The following ZNF692 variants were observed in gnomAD, a reference collection of about 807,000 sequenced individuals.
ZNF692 encodes AICAR responsive element binding protein.
In ZNF692, 41 loss-of-function variants were observed where a neutral mutation model predicts 49.0. The ratio of observed to expected loss-of-function variants is 0.84; its 90% CI spans 0.65 to 1.08. ZNF692 has a LOEUF of 1.08. Ranked by LOEUF, ZNF692 falls within the 50% of genes least tolerant of loss-of-function variation. ZNF692 has a pLI of 0.00. For missense variants in ZNF692, 662 were observed against 662.2 expected, an observed-to-expected ratio of 1.00 and a Z score of 0.00; for synonymous variants, 288 against 251.5, an observed-to-expected ratio of 1.15 and a Z score of -1.37.
Position 248,855,798 on chromosome 1 carries a change from G to A in ZNF692, c.808C>T (p.Pro270Ser), listed in dbSNP as rs776722798. ...TGTGGCTGCACCCTGACTTCTGCAG[G>A]TGGAGGAGCTCTGGAACTCAATGAG... ...ASSLSSRAPPPAEVRVQPQLS... is the reference protein window; with the variant it reads ...ASSLSSRAPPSAEVRVQPQLS... The change falls in exon 7 of 12, where the codon CCT (proline) becomes TCT (serine). Residue 270 changes from proline (P) to serine (S), a missense_variant. Coordinates refer to ENST00000306601, the MANE Select transcript of ZNF692 (RefSeq NM_017865.4). 1.9e-6 allele frequency: 3 copies of A among 1,614,216 alleles called. No homozygotes were observed. In the East Asian group the frequency reaches 6.7e-5, roughly 36 times the overall value.
At position 248,855,824 on chromosome 1, in the gene ZNF692, G is replaced by A; in HGVS notation, c.782C>T (p.Ser261Phe). 7 of 1,614,216 alleles carry A rather than the reference G, an allele frequency of 4.3e-6. No individual in the cohort carries two copies. Among genetic ancestry groups the A allele is most frequent in the Non-Finnish European group, 5.9e-6 (7 of 1,180,044 alleles). The change falls in exon 7 of 12, where the codon TCC becomes TTC. Residue 261 changes from serine (S) to phenylalanine (F), a missense_variant. Ser to Phe is a radical substitution (Grantham distance 155). Transcript: ENST00000306601. Reference sequence around the variant, plus strand: ...TGGAGGAGCTCTGGAACTCAATGAGGATGCTGACAAGGCCGGCACAGCAAG... The same window carrying A: ...TGGAGGAGCTCTGGAACTCAATGAGAATGCTGACAAGGCCGGCACAGCAAG... ...SPLAVPALSASSLSSRAPPPA... is the reference protein window; with the variant it reads ...SPLAVPALSAFSLSSRAPPPA...
intron 6 of ZNF692, 79 bp from the exon 7 acceptor site, chr1:248,856,025 C>G (rs1232701048): frequency 2.1e-6 from 3 of 1,447,994 alleles, no homozygotes; most frequent in African/African-American, 1.4e-5. Context: ...AGCCCCTAAA[C>G]TGAAAAGATC....
intron 3 of ZNF692, 159 bp from the exon 4 acceptor site, chr1:248,857,656 A>AC (rs1205806047): frequency 1.4e-6 from 2 of 1,466,808 alleles, no homozygotes; most frequent in Non-Finnish European, 1.8e-6. Flanking sequence ...AGATCCTGAG[A>AC]CATTGCTCCC....
chr1:248,850,317 G>A lies in ZNF692; in HGVS notation c.1453C>T (p.Pro485Ser), dbSNP rs377103829. The A allele has an allele frequency of 1.2e-5, 20 of 1,613,790 alleles. No homozygotes were observed. The highest frequency in any genetic ancestry group is 2.7e-5 in the African/African-American group (2 of 74,948). ...LLAPQESPSG[P>S]LEPCPSISAP... ...GAGATGCTGGGACAGGGCTCTAGGG[G>A]ACCACTGGGTGACTCTTGAGGGGCT... Residue 485 changes from proline to serine, a missense_variant, in exon 12 of 12, where the codon CCC becomes TCC. By Grantham distance (74) the Pro-to-Ser change is moderately conservative. Coordinates refer to ENST00000306601, the MANE Select transcript of ZNF692 (RefSeq NM_017865.4).
chr1:248,852,515 C>T (rs949195060), intron 10 of ZNF692, among the ~76,000 whole-genome samples: 1 of 152,156 alleles, frequency 6.6e-6, no homozygotes, highest in African/African-American at 2.4e-5. Context: ...GCCCTGAGCC[C>T]ACAGCCTTCC....
At chr1:248,855,691 G>A (rs371122838) in intron 7 of ZNF692, 34 bp downstream of exon 7, 8 of 1,613,992 alleles carry the variant, frequency 5.0e-6, no homozygotes, top group Middle Eastern at 1.6e-4. Context: ...ATCCCAGGAC[G>A]CCCCTGCCCT....
At position 248,857,988 on chromosome 1, in the gene ZNF692, C is replaced by T. The variant is rs1295205539; in HGVS notation, c.180-129G>A. Reference sequence around the variant, plus strand: ...GAGACCATGAGGAGGGGAGCAGGACCCTCGGAGGCCACAAGTCACACAGGC... The same window carrying T: ...GAGACCATGAGGAGGGGAGCAGGACTCTCGGAGGCCACAAGTCACACAGGC... On this transcript the variant is annotated intron_variant, in intron 2 of 11. Transcript: ENST00000306601. The T allele has an allele frequency of 6.5e-6, 10 of 1,549,206 alleles. 1 individual carries two copies. The South Asian group carries it at 7.0e-5, about 11-fold the overall frequency.
intron 3 of ZNF692, 53 bp from the exon 4 acceptor site, chr1:248,857,550 C>T: frequency 1.9e-6 from 3 of 1,565,164 alleles, no homozygotes; most frequent in Non-Finnish European, 1.7e-6. Flanking sequence ...CCTCCTCTTA[C>T]CCTGGAGAGC....
Position 248,858,159 on chromosome 1 carries a change from A to G in ZNF692, c.151T>C (p.Ser51Pro). 1.3e-6 allele frequency: 2 copies of G among 1,570,428 alleles called. No homozygotes were observed. Among genetic ancestry groups the G allele is most frequent in the Non-Finnish European group, 1.7e-6 (2 of 1,159,630 alleles). The change falls in exon 2 of 12, where the codon TCG becomes CCG. Residue 51 changes from serine to proline, a missense_variant. Transcript: ENST00000306601. This position sits in a 1 kb window ranked among gnomAD's most constrained non-coding sequence, Gnocchi z 4.3. ...TCCAACAGGAACTTGGCGAGCTGCGAGTGCAGGGAGAAGCCCAGCCGCTCC... is the reference window on the plus strand; with the variant it reads ...TCCAACAGGAACTTGGCGAGCTGCGGGTGCAGGGAGAAGCCCAGCCGCTCC... ...LKERLGFSLH[S>P]QLAKFLLDRY...
Position 248,858,860 on chromosome 1 carries a change from T to A in ZNF692, c.-13+58A>T, listed in dbSNP as rs1286044584. On this transcript the variant is annotated intron_variant, in intron 1 of 11. Transcript: ENST00000306601. The surrounding 1 kb of genome is among the most constrained non-coding windows in gnomAD (Gnocchi z 4.3). ...AGTGAGTGGAGCGGACTAATCCCAA[T>A]GGCAGTTCCCAGGCTGCCCAGAGCC... The A allele has an allele frequency of 2.4e-6, 1 of 419,752 alleles. No homozygotes were observed. The highest frequency in any genetic ancestry group is 4.4e-6 in the Non-Finnish European group (1 of 225,422). 26.0% of individuals were successfully genotyped at this position (419,752 alleles called of 1,614,324 possible). A position where few individuals can be genotyped will look rare whatever the true frequency, so the allele number is the denominator to read the frequency against.
At chr1:248,856,059 C>G in intron 6 of ZNF692, 113 bp from the exon 7 acceptor site, 1 of 1,259,094 alleles carries the variant, frequency 7.9e-7, no homozygotes, top group Non-Finnish European at 1.1e-6. Flanking sequence ...AACCCTACCC[C>G]CACCCTAGGC....
chr1:248,856,409 G>A lies in ZNF692; in HGVS notation c.538C>T (p.Pro180Ser), dbSNP rs1460445097. ...CCTGGAGGTGGGAAGGTCTCTGGTG[G>A]GGGTCCCACCCTCCTGCAGGCCCAA... ...EARLPRRVGPPPETFPPPGEE... is the reference protein window; with the variant it reads ...EARLPRRVGPSPETFPPPGEE... Residue 180 changes from proline (P) to serine (S), a missense_variant, in exon 6 of 12, where the codon CCA becomes TCA. By Grantham distance (74) the Pro-to-Ser change is moderately conservative (BLOSUM62 -1). Coordinates refer to ENST00000306601, the MANE Select transcript of ZNF692 (RefSeq NM_017865.4). 1.9e-6 allele frequency: 3 copies of A among 1,613,146 alleles called. No homozygotes were observed. In the African/African-American group the frequency reaches 4.0e-5, roughly 22 times the overall value.
Position 248,858,676 on chromosome 1 carries a change from A to T in ZNF692, c.-13+242T>A. ...CCACACATTTCATCTTGAATAGGGC[A>T]GCGGCCTTTACTGGTTTCTAGGGGA... On this transcript the variant is annotated intron_variant, in intron 1 of 11. Transcript: ENST00000306601. The surrounding 1 kb of genome is among the most constrained non-coding windows in gnomAD (Gnocchi z 4.3). 3 of 935,736 alleles carry T rather than the reference A, an allele frequency of 3.2e-6. No individual in the cohort carries two copies. Among genetic ancestry groups the T allele is most frequent in the Non-Finnish European group, 5.0e-6 (3 of 595,038 alleles). The allele number at this position is 935,736 out of a possible 1,614,324, so 58.0% of individuals were successfully genotyped here. A position where few individuals can be genotyped will look rare whatever the true frequency, so the allele number is the denominator to read the frequency against.
Position 248,855,878 on chromosome 1 carries a change from G to A in ZNF692, c.728C>T (p.Pro243Leu). The change falls in exon 7 of 12, where the codon CCA becomes CTA. Residue 243 changes from proline (P) to leucine (L), a missense_variant. By Grantham distance (98) the Pro-to-Leu change is moderately conservative (BLOSUM62 -3). Coordinates refer to ENST00000306601, the MANE Select transcript of ZNF692 (RefSeq NM_017865.4). ...VTCTPKEGET[P>L]PAPAALSSPL... Reference sequence around the variant, plus strand: ...ACTGGAGAGTGCTGCAGGGGCTGGTGGTGTCTCCCCCTCTTTAGGTGTGCA... The same window carrying A: ...ACTGGAGAGTGCTGCAGGGGCTGGTAGTGTCTCCCCCTCTTTAGGTGTGCA... 1 of 1,614,188 alleles carries A rather than the reference G, an allele frequency of 6.2e-7. No homozygotes were observed. The highest frequency in any genetic ancestry group is 8.5e-7 in the Non-Finnish European group (1 of 1,180,050).
rs1660163951 is a variant in ZNF692, at chr1:248,855,828, C to G, written c.778G>C (p.Ala260Pro). Residue 260 changes from alanine to proline, a missense_variant, in exon 7 of 12, where the codon GCA (alanine) becomes CCA (proline). By Grantham distance (27) the Ala-to-Pro change is conservative. Coordinates refer to ENST00000306601, the MANE Select transcript of ZNF692 (RefSeq NM_017865.4). ...SSPLAVPALS[A>P]SSLSSRAPPP... is the part of the protein sequence containing the mutation. The stretch of plus-strand genomic sequence containing the variant: ...GGAGCTCTGGAACTCAATGAGGATG[C>G]TGACAAGGCCGGCACAGCAAGAGGA... The G allele has an allele frequency of 6.2e-7, 1 of 1,614,190 alleles. No homozygotes were observed. Among genetic ancestry groups the G allele is most frequent in the East Asian group, 2.2e-5 (1 of 44,876 alleles).
In ZNF692 at chr1:248,857,872, GAA is replaced by G; in HGVS notation, c.180-15_180-14del. The G allele has an allele frequency of 5.0e-6, 8 of 1,613,618 alleles. No homozygotes were observed. The highest frequency in any genetic ancestry group is 6.8e-6 in the Non-Finnish European group (8 of 1,179,756). ...TGAAGAAGTGTACCTGCCAGCAGGA[GAA>G]GAGGCAGGTCAGGACTCAGGTGGCC... On this transcript the variant is annotated splice_polypyrimidine_tract_variant and intron_variant, in intron 2 of 11. Coordinates refer to ENST00000306601, the MANE Select transcript of ZNF692 (RefSeq NM_017865.4).
In ZNF692 at chr1:248,855,365, A is replaced by G. The variant is rs888451176; in HGVS notation, c.1038+15T>C. 1.2e-6 allele frequency: 2 copies of G among 1,613,640 alleles called. No individual in the cohort carries two copies. The highest frequency in any genetic ancestry group is 1.7e-6 in the Non-Finnish European group (2 of 1,179,806). On this transcript the variant is annotated intron_variant, in intron 9 of 11. Coordinates refer to ENST00000306601, the MANE Select transcript of ZNF692 (RefSeq NM_017865.4). ...CACCCCAGCAGCCACACAGGCCCCA[A>G]CCTGTGCCCCTCACATTCAAATACT...
At position 248,858,150 on chromosome 1, in the gene ZNF692, C is replaced by T; in HGVS notation, c.160G>A (p.Ala54Thr). 2 of 1,567,190 alleles carry T rather than the reference C, an allele frequency of 1.3e-6. No homozygotes were observed. The highest frequency in any genetic ancestry group is 8.6e-7 in the Non-Finnish European group (1 of 1,158,574). ...RLGFSLHSQLAKFLLDRYTSS... is the reference protein window; with the variant it reads ...RLGFSLHSQLTKFLLDRYTSS... The stretch of plus-strand genomic sequence containing the variant: ...CCTAACCGGTCCAACAGGAACTTGG[C>T]GAGCTGCGAGTGCAGGGAGAAGCCC... The change falls in exon 2 of 12, where the codon GCC becomes ACC. Residue 54 changes from alanine (A) to threonine (T), a missense_variant. By Grantham distance (58) the Ala-to-Thr change is moderately conservative. Coordinates refer to ENST00000306601, the MANE Select transcript of ZNF692 (RefSeq NM_017865.4). This position sits in a 1 kb window ranked among gnomAD's most constrained non-coding sequence, Gnocchi z 4.3.
chr1:248,855,301 A>T, intron 9 of ZNF692, 79 bp downstream of exon 9: 3 of 1,430,238 alleles, frequency 2.1e-6, no homozygotes, highest in South Asian at 1.2e-5. Context: ...CCCATGCCTT[A>T]AGATCCTTTT....
Sources: gnomAD v4.1 joint callset for allele counts (sites outside exome capture counted in the v4.1 genomes callset) on GRCh38, gnomAD v4.1.1 for gene constraint, Gnocchi (gnomAD v3.1) non-coding constraint, MANE v1.5 for transcripts, NCBI Gene and HGNC (gene_info 2026-07-23, HGNC 2026-07-21) for gene names.